Variants in ODAD2 observed in about 807,000 individuals in gnomAD.
The protein encoded by ODAD2 is outer dynein arm docking complex subunit 2.
A neutral mutation model predicts 106.8 loss-of-function variants in ODAD2; 89 were observed. The ratio of observed to expected loss-of-function variants is 0.83; its 90% CI spans 0.70 to 0.99. The LOEUF (loss-of-function observed/expected upper bound fraction) is 0.99, where lower values mean the gene tolerates loss of function less well. ODAD2 is among the 50% of genes least tolerant of loss of function. The probability of loss-of-function intolerance (pLI) is 0.00; values close to 1 mark genes in which losing one functional copy is unlikely to be tolerated. For synonymous variants in ODAD2, 404 were observed against 436.2 expected (o/e 0.93, Z 0.92); for missense variants, 1,168 against 1,238.5 (o/e 0.94, Z 0.85).
At chr10:27,992,738 G>T (rs1850304067) in intron 2 of ODAD2, among the ~76,000 whole-genome samples, 1 of 151,912 alleles carries the variant, frequency 6.6e-6, no homozygotes, top group Non-Finnish European at 1.5e-5. Context: ...TGGAAATAAG[G>T]CAAAAAGAAT....
intron 17 of ODAD2, among the ~76,000 whole-genome samples, chr10:27,880,351 T>C (rs1364871753): frequency 1.3e-5 from 2 of 152,204 alleles, no homozygotes; most frequent in Admixed American, 6.5e-5. Flanking sequence ...GTAAATAATT[T>C]ATCTGAGCAT....
At chr10:27,813,114 C>A (rs923056442) in intron 19 of ODAD2, among the ~76,000 whole-genome samples, 1 of 152,206 alleles carries the variant, frequency 6.6e-6, no homozygotes, top group Non-Finnish European at 1.5e-5. Context: ...GGTTTGTGCA[C>A]TCTGGCCTCA....
chr10:27,962,104 G>A (rs554171699), intron 9 of ODAD2, among the ~76,000 whole-genome samples: 67 of 152,158 alleles, frequency 4.4e-4, no homozygotes, highest in African/African-American at 1.5e-3. Flanking sequence ...AACTGCATGA[G>A]GTGAATAAAC....
Position 27,815,815 on chromosome 10 carries a change from T to G in ODAD2, c.3022-3190A>C, listed in dbSNP as rs76360187. ...AAATGGCATTCATATGGAACCATCTTCTAAATTTCTATCTCCACCCCAGAA... is the reference window on the plus strand; with the variant it reads ...AAATGGCATTCATATGGAACCATCTGCTAAATTTCTATCTCCACCCCAGAA... On this transcript the variant is annotated intron_variant, in intron 19 of 19. Coordinates refer to ENST00000305242, the MANE Select transcript of ODAD2 (RefSeq NM_018076.5). Among the ~76,000 whole-genome samples, 477 of 152,316 alleles carry G rather than the reference T, an allele frequency of 3.1e-3. 20 individuals are homozygous for G. In the East Asian group the frequency reaches 0.077, roughly 25 times the overall value.
chr10:27,907,670 T>C lies in ODAD2; in HGVS notation c.2603A>G (p.Asn868Ser). 2 of 1,612,282 alleles carry C rather than the reference T, an allele frequency of 1.2e-6. No homozygotes were observed. Among genetic ancestry groups the C allele is most frequent in the African/African-American group, 1.3e-5 (1 of 74,984 alleles). ...AAWALCPCIK[N>S]AKDAGEMVRS... ...CTTGCAGTCCGTTCTTACCTTTGCA[T>C]TTTTGATGCATGGACAGAGTGCCCA... Residue 868 changes from asparagine to serine, a missense_variant, in exon 17 of 20, where the codon AAT becomes AGT. Physicochemically the swap from Asn to Ser is conservative, Grantham distance 46. Around this residue, in one of 3 missense-constraint regions of ODAD2, gnomAD observed 701 missense variants for 712.3 expected, o/e 0.98. Coordinates refer to ENST00000305242, the MANE Select transcript of ODAD2 (RefSeq NM_018076.5).
rs543890466 is a variant in ODAD2 at position 27,887,164 on chromosome 10, G to A, written c.2610+20499C>T. On this transcript the variant is annotated intron_variant, in intron 17 of 19. Transcript: ENST00000305242. ...ACACATAGGTTGAAAGTCAAACGTT[G>A]AAATAGGACATTCCATGCAAATAGT... is the stretch of plus-strand genomic sequence containing the variant. 3.3e-5 allele frequency among the ~76,000 whole-genome samples: 5 copies of A among 152,034 alleles called. No homozygotes were observed. In the South Asian group the frequency reaches 1.0e-3, roughly 32 times the overall value.
At chr10:27,929,102 T>C (rs780572433) in intron 16 of ODAD2, among the ~76,000 whole-genome samples, 4 of 152,190 alleles carry the variant, frequency 2.6e-5, no homozygotes, top group Non-Finnish European at 5.9e-5. Context: ...AGGTGACATA[T>C]ATTAATCATG....
chr10:27,945,881 TG>T (rs1394067844), intron 10 of ODAD2, among the ~76,000 whole-genome samples: 1 of 143,584 alleles, frequency 7.0e-6, no homozygotes, highest in Non-Finnish European at 1.5e-5. Flanking sequence ...TGTTCATTTT[TG>T]TAAAAGGTGC....
At chr10:27,980,593 T>G (rs868673854) in intron 7 of ODAD2, among the ~76,000 whole-genome samples, 1 of 152,156 alleles carries the variant, frequency 6.6e-6, no homozygotes, top group African/African-American at 2.4e-5. Context: ...CTAATCATTA[T>G]GGAAATGCAA....
At chr10:27,818,518 G>A (rs1241332623) in intron 19 of ODAD2, among the ~76,000 whole-genome samples, 1 of 152,086 alleles carries the variant, frequency 6.6e-6, no homozygotes, top group Non-Finnish European at 1.5e-5. Flanking sequence ...TCATCACAAT[G>A]AATAATGCCA....
At chr10:27,826,442 C>A (rs970831817) in intron 19 of ODAD2, among the ~76,000 whole-genome samples, 3 of 152,100 alleles carry the variant, frequency 2.0e-5, no homozygotes, top group Admixed American at 6.6e-5. Context: ...TATTTAAAAC[C>A]GGCTCCACTC....
At chr10:27,924,370 G>T (rs983919547) in intron 16 of ODAD2, among the ~76,000 whole-genome samples, 1 of 149,634 alleles carries the variant, frequency 6.7e-6, no homozygotes, top group African/African-American at 2.5e-5. Flanking sequence ...AAAATTACAG[G>T]GTACATTTAA....
At chr10:27,925,896 T>G (rs2134008700) in intron 16 of ODAD2, among the ~76,000 whole-genome samples, 1 of 151,512 alleles carries the variant, frequency 6.6e-6, no homozygotes, top group South Asian at 2.1e-4. Context: ...AGGAGTAACA[T>G]TTGGGAGGCT....
intron 17 of ODAD2, among the ~76,000 whole-genome samples, chr10:27,883,850 G>A (rs1841902066): frequency 6.6e-6 from 1 of 151,954 alleles, no homozygotes; most frequent in Non-Finnish European, 1.5e-5. Context: ...GAGCATGATA[G>A]ATGGGTCAAT....
intron 17 of ODAD2, among the ~76,000 whole-genome samples, chr10:27,877,657 T>C (rs918903318): frequency 8.5e-5 from 13 of 152,200 alleles, no homozygotes; most frequent in Admixed American, 3.3e-4. Context: ...CTTTCACCAA[T>C]GCTGAACGAC....
chr10:27,935,626 C>T (rs1475724002), intron 15 of ODAD2, among the ~76,000 whole-genome samples: 1 of 151,508 alleles, frequency 6.6e-6, no homozygotes, highest in Non-Finnish European at 1.5e-5. Context: ...TTTTCAAATG[C>T]ATCAAACATG....
In ODAD2 at chr10:27,936,795, T is replaced by C; in HGVS notation, c.2183A>G (p.Asn728Ser). The change falls in exon 15 of 20, where the codon AAT becomes AGT. Residue 728 changes from asparagine to serine, a missense_variant. Transcript: ENST00000305242. ...PLASLLNNTD[N>S]KERLAAVTGA... Reference sequence around the variant, plus strand: ...TGTGACAGCAGCTAACCGCTCTTTATTGTCAGTGTTATTGAGTAGACTGGC... The same window carrying C: ...TGTGACAGCAGCTAACCGCTCTTTACTGTCAGTGTTATTGAGTAGACTGGC... The C allele has an allele frequency of 6.2e-7, 1 of 1,614,030 alleles. No homozygotes were observed. The highest frequency in any genetic ancestry group is 2.2e-5 in the East Asian group (1 of 44,870).
At chr10:27,872,030 G>T (rs1031984001) in intron 17 of ODAD2, among the ~76,000 whole-genome samples, 1 of 151,842 alleles carries the variant, frequency 6.6e-6, no homozygotes, top group Non-Finnish European at 1.5e-5. Flanking sequence ...CTTTTATTTC[G>T]CTGAGCAGTG....
At chr10:27,891,985 G>C (rs1564473004) in intron 17 of ODAD2, among the ~76,000 whole-genome samples, 1 of 152,090 alleles carries the variant, frequency 6.6e-6, no homozygotes, top group Admixed American at 6.6e-5. Context: ...AGATTCAGTT[G>C]CATTCTTTAC....
Sources: gnomAD v4.1 joint callset for allele counts (sites outside exome capture counted in the v4.1 genomes callset) on GRCh38, gnomAD v4.1.1 for gene constraint, gnomAD v4.1.1 regional missense constraint, MANE v1.5 for transcripts, NCBI Gene and HGNC (gene_info 2026-07-23, HGNC 2026-07-21) for gene names.